Variants in FAT4 observed in about 807,000 individuals in gnomAD.
FAT4 encodes the protein FAT atypical cadherin 4, also known as protocadherin Fat 4.
In FAT4, 84 loss-of-function variants were observed where a neutral mutation model predicts 303.9. That is an observed-to-expected ratio of 0.28 (90% confidence interval 0.23 to 0.33). FAT4 has a LOEUF of 0.33. Among genes scored for constraint, FAT4 ranks in the 10% least tolerant of loss-of-function variants. The pLI is 1.00. For missense variants in FAT4, 6,005 were observed against 6,146.8 expected (o/e 0.98, Z 0.77); for synonymous variants, 2,307 against 2,298.8 (o/e 1.00, Z -0.10).
intron 2 of FAT4, among the ~76,000 whole-genome samples, chr4:125,363,225 C>T (rs1732738396): frequency 6.6e-6 from 1 of 151,872 alleles, no homozygotes; most frequent in African/African-American, 2.4e-5. Context: ...GTCATGTTCT[C>T]ACCTGTAATA....
At chr4:125,345,236 A>C (rs1281033577) in intron 2 of FAT4, among the ~76,000 whole-genome samples, 1 of 152,062 alleles carries the variant, frequency 6.6e-6, no homozygotes, top group East Asian at 1.9e-4. Context: ...CAACTTAATC[A>C]CTGCAATGTA....
chr4:125,423,483 G>T (rs775758706), intron 7 of FAT4, among the ~76,000 whole-genome samples: 13 of 152,198 alleles, frequency 8.5e-5, no homozygotes, highest in Non-Finnish European at 1.5e-4. Flanking sequence ...GCCTGCAGGT[G>T]CACAGAGGTC....
chr4:125,400,601 C>T (rs1734348927), intron 3 of FAT4, among the ~76,000 whole-genome samples: 1 of 151,676 alleles, frequency 6.6e-6, no homozygotes, highest in African/African-American at 2.4e-5. Context: ...CTATGTTTAC[C>T]TTTATGATGA....
chr4:125,317,362 C>T lies in FAT4; in HGVS notation c.951C>T (p.Arg317=). The T allele has an allele frequency of 1.2e-6, 2 of 1,613,280 alleles. No individual in the cohort carries two copies. Among genetic ancestry groups the T allele is most frequent in the South Asian group, 1.1e-5 (1 of 91,086 alleles). The change falls in exon 2 of 18, where the codon CGC becomes CGT. Residue 317 remains arginine (R), a synonymous_variant. Coordinates refer to ENST00000394329, the MANE Select transcript of FAT4 (RefSeq NM_001291303.3). This position sits in a 1 kb window ranked among gnomAD's most constrained non-coding sequence, Gnocchi z 7.0. The part of the protein sequence containing the change: ...VREPLDFEAR[R]QYSLTVQAMD... ...AGCCCCTGGACTTCGAAGCTCGGCGCCAATACTCGCTTACGGTGCAGGCGA... is the reference window on the plus strand; with the variant it reads ...AGCCCCTGGACTTCGAAGCTCGGCGTCAATACTCGCTTACGGTGCAGGCGA...
intron 2 of FAT4, among the ~76,000 whole-genome samples, chr4:125,377,518 A>G (rs764821923): frequency 1.6e-4 from 25 of 152,046 alleles, no homozygotes; most frequent in Non-Finnish European, 3.5e-4. Flanking sequence ...TTAAATGTAA[A>G]CCTTTAGAAA....
chr4:125,319,025 A>G lies in FAT4; in HGVS notation c.2614A>G (p.Thr872Ala), dbSNP rs1296061836. 13 of 1,614,090 alleles carry G rather than the reference A, an allele frequency of 8.1e-6. No homozygotes were observed. The Admixed American group carries it at 2.0e-4, about 25-fold the overall frequency. Reference protein sequence around the residue: ...YQLKVVASGGTVTGDTMVNIT... With the variant: ...YQLKVVASGGAVTGDTMVNIT... ...GCTGAAGGTAGTGGCCAGTGGGGGC[A>G]CAGTGACTGGAGACACTATGGTTAA... The change falls in exon 2 of 18, where the codon ACA becomes GCA. Residue 872 changes from threonine to alanine, a missense_variant. By Grantham distance (58) the Thr-to-Ala change is moderately conservative. Transcript: ENST00000394329.
intron 14 of FAT4, 119 bp from the exon 15 acceptor site, chr4:125,479,622 T>G: frequency 4.9e-5 from 48 of 980,826 alleles, no homozygotes; most frequent in Non-Finnish European, 6.2e-5. Flanking sequence ...AGTTGTAACT[T>G]GAGCTTCAAA....
rs749913769 is a variant in FAT4, at chr4:125,317,727, C to G, written c.1316C>G (p.Ser439Cys). 2 of 1,614,136 alleles carry G rather than the reference C, an allele frequency of 1.2e-6. No individual in the cohort carries two copies. The highest frequency in any genetic ancestry group is 2.2e-5 in the East Asian group (1 of 44,872). ...ATCCCTTCCTACAACCTCACAGTTTCCGTCTCTGATAACTACGGGGCGCCC... is the reference window on the plus strand; with the variant it reads ...ATCCCTTCCTACAACCTCACAGTTTGCGTCTCTGATAACTACGGGGCGCCC... ...ERIPSYNLTV[S>C]VSDNYGAPPG... The change falls in exon 2 of 18, where the codon TCC (serine) becomes TGC (cysteine). Residue 439 changes from serine (S) to cysteine (C), a missense_variant. Ser to Cys is a moderately radical substitution (Grantham distance 112). Coordinates refer to ENST00000394329, the MANE Select transcript of FAT4 (RefSeq NM_001291303.3). The surrounding 1 kb of genome is among the most constrained non-coding windows in gnomAD (Gnocchi z 7.0).
chr4:125,420,983 T>C (rs1724853478), intron 7 of FAT4, among the ~76,000 whole-genome samples: 1 of 152,206 alleles, frequency 6.6e-6, no homozygotes, highest in African/African-American at 2.4e-5. Flanking sequence ...CAGGCTGGTG[T>C]GTAGTGGCAT....
chr4:125,400,753 T>C (rs868252953), intron 3 of FAT4, among the ~76,000 whole-genome samples: 178 of 152,102 alleles, frequency 1.2e-3, no homozygotes, highest in African/African-American at 4.1e-3. Context: ...ATGTTATCAC[T>C]TAGACATGCT....
Position 125,346,818 on chromosome 4 carries a change from C to G in FAT4, c.5175+25232C>G, listed in dbSNP as rs377656415. ...AGCCTCAATTTGGGAGGGGAACATG[C>G]AGCAGCATTGTGCCATGGTTTGTTG... On this transcript the variant is annotated intron_variant, in intron 2 of 17. Coordinates refer to ENST00000394329, the MANE Select transcript of FAT4 (RefSeq NM_001291303.3). Among the ~76,000 whole-genome samples the G allele has an allele frequency of 2.6e-5, 4 of 151,950 alleles. No homozygotes were observed. In the East Asian group the frequency reaches 5.8e-4, roughly 22 times the overall value.
Position 125,452,699 on chromosome 4 carries a change from A to G in FAT4, c.11689A>G (p.Arg3897Gly). Residue 3897 changes from arginine (R) to glycine (G), a missense_variant, in exon 10 of 18, where the codon AGG (arginine) becomes GGG (glycine). Coordinates refer to ENST00000394329, the MANE Select transcript of FAT4 (RefSeq NM_001291303.3). Reference sequence around the variant, plus strand: ...CAGCTGCCCAGATGGCTTCACTGGTAGGGCGTGTGAGAGAGATATCAATGA... The same window carrying G: ...CAGCTGCCCAGATGGCTTCACTGGTGGGGCGTGTGAGAGAGATATCAATGA... ...SCSCPDGFTG[R>G]ACERDINECL... The G allele has an allele frequency of 1.2e-6, 2 of 1,614,134 alleles. No homozygotes were observed. Among genetic ancestry groups the G allele is most frequent in the Middle Eastern group, 1.6e-4 (1 of 6,062 alleles).
At chr4:125,460,704 A>T (rs1726454237) in intron 10 of FAT4, among the ~76,000 whole-genome samples, 1 of 152,038 alleles carries the variant, frequency 6.6e-6, no homozygotes, top group Admixed American at 6.6e-5. Flanking sequence ...ATTTAGGTTA[A>T]TTCCATGTCT....
chr4:125,375,064 TG>T (rs1446474658), intron 2 of FAT4, among the ~76,000 whole-genome samples: 1 of 152,212 alleles, frequency 6.6e-6, no homozygotes, highest in African/African-American at 2.4e-5. Context: ...ATTAACACTC[TG>T]GAGTTTTTAT....
At chr4:125,390,527 C>T (rs190217604) in intron 2 of FAT4, among the ~76,000 whole-genome samples, 24 of 152,314 alleles carry the variant, frequency 1.6e-4, no homozygotes, top group Admixed American at 1.4e-3. Context: ...GGTAGGCTTC[C>T]AGCATCTTGT....
intron 15 of FAT4, among the ~76,000 whole-genome samples, chr4:125,481,290 T>G (rs17009788): frequency 6.6e-6 from 1 of 152,320 alleles, no homozygotes; most frequent in African/African-American, 2.4e-5. Context: ...AAATGGTTAA[T>G]GACTGTCATA....
intron 2 of FAT4, among the ~76,000 whole-genome samples, chr4:125,373,910 T>A: frequency 6.6e-6 from 1 of 150,758 alleles, no homozygotes; most frequent in Non-Finnish European, 1.5e-5. Context: ...AAAATATCTG[T>A]ATTAGAAAAT....
Position 125,416,751 on chromosome 4 carries a change from G to A in FAT4, c.7018+129G>A. The A allele has an allele frequency of 3.7e-6, 3 of 802,640 alleles. No individual in the cohort carries two copies. The Admixed American group carries it at 7.2e-5, about 19-fold the overall frequency. 49.7% of individuals were successfully genotyped at this position (802,640 alleles called of 1,614,324 possible). On this transcript the variant is annotated intron_variant, in intron 7 of 17. Transcript: ENST00000394329. Reference sequence around the variant, plus strand: ...ACTTGAGGTCGGGAGTTCAAGACCAGCCTGACCAACATGGTGAAACCCCAT... The same window carrying A: ...ACTTGAGGTCGGGAGTTCAAGACCAACCTGACCAACATGGTGAAACCCCAT...
intron 2 of FAT4, among the ~76,000 whole-genome samples, chr4:125,387,902 T>C (rs902015365): frequency 2.0e-5 from 3 of 152,170 alleles, no homozygotes; most frequent in Admixed American, 6.6e-5. Context: ...TAATGTTGCA[T>C]AATAAAGAGC....
Sources: gnomAD v4.1 joint callset for allele counts (sites outside exome capture counted in the v4.1 genomes callset) on GRCh38, gnomAD v4.1.1 for gene constraint, Gnocchi (gnomAD v3.1) non-coding constraint, MANE v1.5 for transcripts, NCBI Gene and HGNC (gene_info 2026-07-23, HGNC 2026-07-21) for gene names.